Variants in CMTM6 observed in about 807,000 individuals in gnomAD.
The protein encoded by CMTM6 is CKLF like MARVEL transmembrane domain containing 6, also known as CKLF-like MARVEL transmembrane domain-containing protein 6.
In CMTM6, 5 loss-of-function variants were observed where a neutral mutation model predicts 13.6. That is an observed-to-expected ratio of 0.37 (90% CI 0.19 to 0.77). CMTM6 has a LOEUF of 0.77. Among genes scored for constraint, CMTM6 ranks in the 30% least tolerant of loss-of-function variants. The probability of loss-of-function intolerance (pLI) is 0.50; values close to 1 mark genes in which losing one functional copy is unlikely to be tolerated. For missense variants in CMTM6, 196 were observed against 218.6 expected (o/e 0.90, Z 0.65); for synonymous variants, 99 against 84.5 (o/e 1.17, Z -0.94).
intron 3 of CMTM6, among the ~76,000 whole-genome samples, chr3:32,485,286 AAT>A (rs1360688865): frequency 6.6e-6 from 1 of 152,100 alleles, no homozygotes; most frequent in Non-Finnish European, 1.5e-5. Context: ...TCATAATTTA[AAT>A]AGTTACAAAA....
chr3:32,502,104 G>A (rs1216132156), intron 1 of CMTM6, among the ~76,000 whole-genome samples: 1 of 152,154 alleles, frequency 6.6e-6, no homozygotes, highest in East Asian at 1.9e-4. Context: ...ACAATTTACC[G>A]GACACACATA....
intron 2 of CMTM6, among the ~76,000 whole-genome samples, chr3:32,489,825 G>C (rs1212550581): frequency 6.6e-6 from 1 of 151,934 alleles, no homozygotes; most frequent in Non-Finnish European, 1.5e-5. Context: ...ATCATTTTTA[G>C]ACCATAATGT....
rs1481602601 is a variant in CMTM6 at position 32,488,008 on chromosome 3, C to T, written c.344G>A (p.Cys115Tyr). ...SDFYITLGTG[C>Y]VFLLASIIFV... is the part of the protein sequence containing the mutation. ...AATGATGGATGCCAACAAAAACACA[C>T]ATCCTGTTCCCAAAGTAATATAAAA... The change falls in exon 3 of 4, where the codon TGT becomes TAT. Residue 115 changes from cysteine to tyrosine, a missense_variant. Cys to Tyr is a radical substitution (Grantham distance 194, BLOSUM62 -2). Around this residue, in one of 2 missense-constraint regions of CMTM6, gnomAD observed 111 missense variants for 160.0 expected, o/e 0.69. Coordinates refer to ENST00000205636, the MANE Select transcript of CMTM6 (RefSeq NM_017801.3). The T allele has an allele frequency of 1.9e-6, 3 of 1,613,496 alleles. No homozygotes were observed. Among genetic ancestry groups the T allele is most frequent in the African/African-American group, 1.3e-5 (1 of 75,040 alleles).
At position 32,502,803 on chromosome 3, in the gene CMTM6, C is replaced by A; in HGVS notation, c.-58G>T. On this transcript the variant is annotated 5_prime_UTR_variant, in exon 1 of 4. Coordinates refer to ENST00000205636, the MANE Select transcript of CMTM6 (RefSeq NM_017801.3). ...AACCGCGCCGTTGACTTCTCGGACTCCAGAAGTCCCCGGTAGCCGGGAGGC... is the reference window on the plus strand; with the variant it reads ...AACCGCGCCGTTGACTTCTCGGACTACAGAAGTCCCCGGTAGCCGGGAGGC... 1 of 1,370,214 alleles carries A rather than the reference C, an allele frequency of 7.3e-7. No homozygotes were observed. The highest frequency in any genetic ancestry group is 9.4e-7 in the Non-Finnish European group (1 of 1,062,212). The allele number at this position is 1,370,214 out of a possible 1,614,324, so 84.9% of individuals were successfully genotyped here.
At chr3:32,487,732 A>T (rs1697217652) in intron 3 of CMTM6, 1 of 416,840 alleles carries the variant, frequency 2.4e-6, no homozygotes, top group Non-Finnish European at 4.4e-6. Context: ...GATTTTTTTT[A>T]AACAAAATTC....
Position 32,481,987 on chromosome 3 carries a change from G to T in CMTM6, c.*1973C>A, listed in dbSNP as rs1258531013. On this transcript the variant is annotated 3_prime_UTR_variant, in exon 4 of 4. Transcript: ENST00000205636. ...CCAATACATGGGTGGTGACCCTGAGGTAGCCCAGATGATATGCTCTGAATT... is the reference window on the plus strand; with the variant it reads ...CCAATACATGGGTGGTGACCCTGAGTTAGCCCAGATGATATGCTCTGAATT... The T allele has an allele frequency of 6.6e-6, 1 of 152,204 alleles. No homozygotes were observed. The highest frequency in any genetic ancestry group is 6.5e-5 in the Admixed American group (1 of 15,278). 9.4% of individuals were successfully genotyped at this position (152,204 alleles called of 1,614,324 possible).
At chr3:32,485,544 A>G (rs926733471) in intron 3 of CMTM6, among the ~76,000 whole-genome samples, 5 of 152,196 alleles carry the variant, frequency 3.3e-5, no homozygotes, top group African/African-American at 1.2e-4. Context: ...ATGAGTTAAA[A>G]AACTCATTAT....
In CMTM6 at chr3:32,483,594, G is replaced by A. The variant is rs1005378040; in HGVS notation, c.*366C>T. ...CTAAGTAGATGAATATAATCACGAT[G>A]TTTATACAGCTATAAAGCATAATTT... On this transcript the variant is annotated 3_prime_UTR_variant, in exon 4 of 4. Transcript: ENST00000205636. 1 of 158,072 alleles carries A rather than the reference G, an allele frequency of 6.3e-6. No individual in the cohort carries two copies. The highest frequency in any genetic ancestry group is 1.4e-5 in the Non-Finnish European group (1 of 72,190). The allele number at this position is 158,072 out of a possible 1,614,324, so 9.8% of individuals were successfully genotyped here.
chr3:32,502,365 T>C (rs1414502431), intron 1 of CMTM6, among the ~76,000 whole-genome samples: 1 of 152,202 alleles, frequency 6.6e-6, no homozygotes, highest in African/African-American at 2.4e-5. Flanking sequence ...TGAGCCCGCC[T>C]AACAGGCTGG....
chr3:32,491,881 C>T lies in CMTM6; in HGVS notation c.144G>A (p.Leu48=). The change falls in exon 2 of 4, where the codon CTG becomes CTA. Residue 48 remains leucine, a synonymous_variant. Coordinates refer to ENST00000205636, the MANE Select transcript of CMTM6 (RefSeq NM_017801.3). ...CTTCACAGATGAAGGCCAGCAGAGA[C>T]AGCAACTACAAATGAAGCAAAACAT... ...RRVLKGLQLL[L]SLLAFICEEV... is the part of the protein sequence containing the mutation. 1 of 1,602,184 alleles carries T rather than the reference C, an allele frequency of 6.2e-7. No homozygotes were observed. The highest frequency in any genetic ancestry group is 1.8e-5 in the Admixed American group (1 of 56,006).
intron 1 of CMTM6, 94 bp downstream of exon 1, chr3:32,502,514 A>C (rs550792661): frequency 1.4e-6 from 2 of 1,480,224 alleles, no homozygotes; most frequent in East Asian, 2.5e-5. Context: ...TTTACTGAAC[A>C]ACCAAGCTGA....
At chr3:32,486,038 C>T (rs923861338) in intron 3 of CMTM6, among the ~76,000 whole-genome samples, 4 of 152,114 alleles carry the variant, frequency 2.6e-5, no homozygotes, top group Non-Finnish European at 4.4e-5. Context: ...CCACCATGCC[C>T]GGCTAAGTTT....
At chr3:32,493,141 A>G (rs1697263499) in intron 1 of CMTM6, among the ~76,000 whole-genome samples, 1 of 152,244 alleles carries the variant, frequency 6.6e-6, no homozygotes, top group African/African-American at 2.4e-5. Context: ...ATTTAACTGT[A>G]TGGCCATAAA....
At chr3:32,501,093 G>C (rs903839056) in intron 1 of CMTM6, among the ~76,000 whole-genome samples, 3 of 150,484 alleles carry the variant, frequency 2.0e-5, no homozygotes, top group Non-Finnish European at 4.4e-5. Context: ...CCAACTACTC[G>C]GCACGAGAAT....
intron 1 of CMTM6, among the ~76,000 whole-genome samples, chr3:32,497,218 C>G (rs1402230928): frequency 6.6e-6 from 1 of 150,948 alleles, no homozygotes; most frequent in Non-Finnish European, 1.5e-5. Flanking sequence ...CCCGTCTCTA[C>G]TAAAAATACA....
Position 32,502,843 on chromosome 3 carries a change from G to A in CMTM6, c.-98C>T, listed in dbSNP as rs970524144. ...AGCCGGGAGGCGGCCGTCACTTCCT[G>A]GGCCTTCTCCCCGGCTTCCGCCTGA... On this transcript the variant is annotated 5_prime_UTR_variant, in exon 1 of 4. Transcript: ENST00000205636. The A allele has an allele frequency of 1.5e-6, 2 of 1,323,730 alleles. No homozygotes were observed. Among genetic ancestry groups the A allele is most frequent in the Non-Finnish European group, 1.9e-6 (2 of 1,029,412 alleles). The allele number at this position is 1,323,730 out of a possible 1,614,324, so 82.0% of individuals were successfully genotyped here. A position where few individuals can be genotyped will look rare whatever the true frequency, so the allele number is the denominator to read the frequency against.
rs1364712773 is a variant in CMTM6, at chr3:32,502,724, T to C, written c.22A>G (p.Ser8Gly). MENGAVY[S>G]PTTEEDPGPA... is the part of the protein sequence containing the mutation. ...CCCGGGTCCTCCTCCGTAGTGGGGC[T>C]GTACACCGCTCCGTTCTCCATCGCC... Residue 8 changes from serine (S) to glycine (G), a missense_variant, in exon 1 of 4, where the codon AGC (serine) becomes GGC (glycine). Coordinates refer to ENST00000205636, the MANE Select transcript of CMTM6 (RefSeq NM_017801.3). The C allele has an allele frequency of 4.5e-6, 7 of 1,542,970 alleles. No homozygotes were observed. The highest frequency in any genetic ancestry group is 6.1e-6 in the Non-Finnish European group (7 of 1,150,000).
At chr3:32,488,059 A>G (rs1400881740) in intron 2 of CMTM6, 23 bp from the exon 3 acceptor site, 1 of 1,429,094 alleles carries the variant, frequency 7.0e-7, no homozygotes, top group Admixed American at 1.7e-5. Flanking sequence ...ACAAAACACA[A>G]AAGGAATACA....
intron 1 of CMTM6, among the ~76,000 whole-genome samples, chr3:32,492,512 A>G (rs538754390): frequency 3.0e-4 from 46 of 152,332 alleles, no homozygotes; most frequent in Non-Finnish European, 5.6e-4. Flanking sequence ...AAGGTTGACA[A>G]TGATCAGGTG....
Sources: allele counts gnomAD v4.1 joint callset (sites outside exome capture counted in the v4.1 genomes callset), GRCh38; gene constraint gnomAD v4.1.1; regional missense constraint gnomAD v4.1.1; transcripts MANE v1.5; gene names NCBI Gene and HGNC (gene_info 2026-07-23, HGNC 2026-07-21).